PACC1: variants seen among roughly 807,000 people sequenced by gnomAD.
The protein encoded by PACC1 is proton-activated chloride channel.
PACC1 carries 34 observed loss-of-function variants against 39.7 expected under a neutral mutation model. That is an observed-to-expected ratio of 0.86 (90% CI 0.65 to 1.14). The LOEUF is 1.14. PACC1 is among the 50% of genes most tolerant of loss of function. The pLI, the probability that PACC1 is intolerant of heterozygous loss-of-function variation, is 0.00. For synonymous variants in PACC1, 127 were observed against 160.6 expected, an observed-to-expected ratio of 0.79 and a Z score of 1.58; for missense variants, 379 against 436.4, an observed-to-expected ratio of 0.87 and a Z score of 1.17.
intron 2 of PACC1, among the ~76,000 whole-genome samples, chr1:212,398,716 C>T (rs1247843250): frequency 2.0e-5 from 3 of 152,234 alleles, no homozygotes; most frequent in African/African-American, 7.2e-5. Flanking sequence ...TGCTAATAGA[C>T]ACTGTGTCAA....
intron 7 of PACC1, 150 bp downstream of exon 7, chr1:212,375,043 A>G (rs1038597269): frequency 6.2e-5 from 32 of 515,588 alleles, no homozygotes; most frequent in Non-Finnish European, 9.9e-5. Context: ...CTATGAAAAA[A>G]GATGAGGACA....
In PACC1 at chr1:212,365,229, T is replaced by C; in HGVS notation, c.1039A>G (p.Ser347Gly). ...GCGAGGTGACTTCAGCTTATGTGGCTCGTTGCCTGACCTCTTCTTTTAAGG... is the reference window on the plus strand; with the variant it reads ...GCGAGGTGACTTCAGCTTATGTGGCCCGTTGCCTGACCTCTTCTTTTAAGG... ...RYLKRRGQAT[S>G]HIS Residue 347 changes from serine to glycine, a missense_variant, in exon 8 of 8, where the codon AGC becomes GGC. Coordinates refer to ENST00000261455, the MANE Select transcript of PACC1 (RefSeq NM_018252.3). 6.2e-7 allele frequency: 1 copy of C among 1,613,740 alleles called. No homozygotes were observed. The highest frequency in any genetic ancestry group is 8.5e-7 in the Non-Finnish European group (1 of 1,179,882).
chr1:212,369,706 G>A (rs1049776232), intron 7 of PACC1, among the ~76,000 whole-genome samples: 5 of 151,652 alleles, frequency 3.3e-5, no homozygotes, highest in African/African-American at 4.8e-5. Context: ...ACTTGAACCC[G>A]GGAGGTGGAG....
chr1:212,387,421 GA>G (rs1249939253), intron 2 of PACC1, among the ~76,000 whole-genome samples: 2 of 152,090 alleles, frequency 1.3e-5, no homozygotes, highest in Non-Finnish European at 2.9e-5. Flanking sequence ...AAAAAGAACA[GA>G]AAAAAGGAGT....
intron 2 of PACC1, among the ~76,000 whole-genome samples, chr1:212,408,918 G>T (rs1481935385): frequency 6.6e-6 from 1 of 152,230 alleles, no homozygotes; most frequent in African/African-American, 2.4e-5. Context: ...CGGGTCCATG[G>T]CCTGTTAGGA....
intron 1 of PACC1, among the ~76,000 whole-genome samples, chr1:212,413,460 T>G (rs377259123): frequency 2.0e-5 from 3 of 152,150 alleles, no homozygotes; most frequent in African/African-American, 7.2e-5. Context: ...CAGACAGAAA[T>G]GCAGACGGGT....
In PACC1 at chr1:212,389,297, G is replaced by A. The variant is rs139085518; in HGVS notation, c.134-2197C>T. On this transcript the variant is annotated intron_variant, in intron 2 of 7. Transcript: ENST00000261455. ...CTCCCAAATCTGCAACTAAATATATGTTCAGATCCTTGGCTGGAGAACCCA... is the reference window on the plus strand; with the variant it reads ...CTCCCAAATCTGCAACTAAATATATATTCAGATCCTTGGCTGGAGAACCCA... 2.2e-4 allele frequency among the ~76,000 whole-genome samples: 33 copies of A among 152,282 alleles called. No individual in the cohort carries two copies. The East Asian group carries it at 6.0e-3, about 28-fold the overall frequency.
At position 212,385,300 on chromosome 1, in the gene PACC1, T is replaced by A; in HGVS notation, c.469A>T (p.Thr157Ser). 1 of 1,613,990 alleles carries A rather than the reference T, an allele frequency of 6.2e-7. No homozygotes were observed. The highest frequency in any genetic ancestry group is 8.5e-7 in the Non-Finnish European group (1 of 1,179,992). The change falls in exon 4 of 8, where the codon ACG (threonine) becomes TCG (serine). Residue 157 changes from threonine (T) to serine (S), a missense_variant. Coordinates refer to ENST00000261455, the MANE Select transcript of PACC1 (RefSeq NM_018252.3). ...ACAGTCTGATTGGAGAAGGGGTCCG[T>A]GTAGTTGATCCTCTGGGTGGTGCAA... ...MNCTTQRINY[T>S]DPFSNQTVKS... is the part of the protein sequence containing the mutation.
intron 2 of PACC1, among the ~76,000 whole-genome samples, chr1:212,399,546 T>C (rs2102526180): frequency 6.6e-6 from 1 of 152,096 alleles, no homozygotes; most frequent in Middle Eastern, 3.4e-3. Context: ...ACTGCAGCCT[T>C]GAACTCCTGG....
intron 2 of PACC1, among the ~76,000 whole-genome samples, chr1:212,408,411 A>G (rs1390629498): frequency 6.6e-6 from 1 of 151,340 alleles, no homozygotes; most frequent in Non-Finnish European, 1.5e-5. Context: ...CCCAGGCTAG[A>G]GTGCAGTGGC....
At chr1:212,406,183 C>T (rs1661909327) in intron 2 of PACC1, among the ~76,000 whole-genome samples, 1 of 145,758 alleles carries the variant, frequency 6.9e-6, no homozygotes, top group Non-Finnish European at 1.5e-5. Context: ...AAAATGGCAA[C>T]CACTATCACC....
chr1:212,410,401 C>T (rs778835150), intron 2 of PACC1, 24 bp downstream of exon 2: 9 of 1,610,052 alleles, frequency 5.6e-6, no homozygotes, highest in Middle Eastern at 1.6e-4. Flanking sequence ...AGCAACAGCA[C>T]AGCAAAGCAC....
At chr1:212,412,944 A>C (rs556632253) in intron 1 of PACC1, among the ~76,000 whole-genome samples, 1 of 152,312 alleles carries the variant, frequency 6.6e-6, no homozygotes, top group African/African-American at 2.4e-5. Flanking sequence ...CTTTCAGACA[A>C]AGAAACTGAG....
Position 212,414,810 on chromosome 1 carries a change from G to A in PACC1, c.-53C>T, listed in dbSNP as rs1054314389. Reference sequence around the variant, plus strand: ...GAGACCGCCCCAGCCCGCGGCGCACGGACGCAGCACTGCGGCCGCTGCACC... The same window carrying A: ...GAGACCGCCCCAGCCCGCGGCGCACAGACGCAGCACTGCGGCCGCTGCACC... On this transcript the variant is annotated 5_prime_UTR_variant, in exon 1 of 8. Transcript: ENST00000261455. The A allele has an allele frequency of 1.7e-5, 28 of 1,605,984 alleles. No individual in the cohort carries two copies. In the South Asian group the frequency reaches 2.3e-4, roughly 13 times the overall value.
At chr1:212,385,213 C>T (rs560176568) in intron 4 of PACC1, 61 bp downstream of exon 4, 1 of 1,599,876 alleles carries the variant, frequency 6.3e-7, no homozygotes, top group African/African-American at 1.3e-5. Flanking sequence ...AAACTTGGGG[C>T]CTTGGGTTGC....
At chr1:212,376,507 G>T (rs1660671767) in intron 6 of PACC1, among the ~76,000 whole-genome samples, 1 of 152,188 alleles carries the variant, frequency 6.6e-6, no homozygotes, top group Non-Finnish European at 1.5e-5. Context: ...GAACTTAATT[G>T]TAAGGTAAGT....
At chr1:212,410,353 A>T in intron 2 of PACC1, 72 bp downstream of exon 2, 1 of 1,408,234 alleles carries the variant, frequency 7.1e-7, no homozygotes, top group Non-Finnish European at 1.0e-6. Context: ...CTCCTCTCCC[A>T]CAGTTGGCAA....
intron 4 of PACC1, among the ~76,000 whole-genome samples, chr1:212,384,875 A>G (rs1661039568): frequency 6.6e-6 from 1 of 152,258 alleles, no homozygotes; most frequent in Non-Finnish European, 1.5e-5. Flanking sequence ...CTAAGGAATT[A>G]TAATTCAGTT....
chr1:212,383,527 G>A (rs908344511), intron 4 of PACC1, among the ~76,000 whole-genome samples: 1 of 152,146 alleles, frequency 6.6e-6, no homozygotes, highest in African/African-American at 2.4e-5. Flanking sequence ...GTTTTAATTA[G>A]CTTCTACTTC....
Sources: allele counts gnomAD v4.1 joint callset (sites outside exome capture counted in the v4.1 genomes callset), GRCh38; gene constraint gnomAD v4.1.1; transcripts MANE v1.5; gene names NCBI Gene and HGNC (gene_info 2026-07-23, HGNC 2026-07-21).